Variants in HDAC9 observed in about 807,000 individuals in gnomAD.
HDAC9 encodes MEF-2 interacting transcription repressor (MITR) protein.
In HDAC9, 41 loss-of-function variants were observed where a neutral mutation model predicts 139.4. The observed-to-expected ratio is 0.29, with a 90% CI of 0.23 to 0.38. HDAC9 has a LOEUF of 0.38. Ranked by LOEUF, HDAC9 falls within the 10% of genes least tolerant of loss-of-function variation. The probability of loss-of-function intolerance (pLI) is 1.00; values close to 1 mark genes in which losing one functional copy is unlikely to be tolerated. For synonymous variants in HDAC9, 517 were observed against 476.2 expected, an observed-to-expected ratio of 1.09 and a Z score of -1.12; for missense variants, 1,147 against 1,297.0, an observed-to-expected ratio of 0.88 and a Z score of 1.78.
chr7:18,883,330 G>A lies in HDAC9; in HGVS notation c.2803+8734G>A, dbSNP rs777480525. On this transcript the variant is annotated intron_variant, in intron 22 of 25. Transcript: ENST00000686413. ...ATCAAATTCAAAAACACATTAAAAG[G>A]TTCATTCACCATGATCAAGTGGGAT... Among the ~76,000 whole-genome samples the A allele has an allele frequency of 4.6e-5, 7 of 151,972 alleles. No homozygotes were observed. The South Asian group carries it at 8.3e-4, about 18-fold the overall frequency.
At chr7:18,714,017 T>C (rs1415163510) in intron 12 of HDAC9, among the ~76,000 whole-genome samples, 1 of 152,180 alleles carries the variant, frequency 6.6e-6, no homozygotes, top group Non-Finnish European at 1.5e-5. Flanking sequence ...GCTAATTAGA[T>C]TAGTCTTTTT....
intron 2 of HDAC9, among the ~76,000 whole-genome samples, chr7:18,232,178 C>T (rs1470241379): frequency 6.6e-6 from 1 of 152,100 alleles, no homozygotes; most frequent in Non-Finnish European, 1.5e-5. Context: ...GGGTCGTCTC[C>T]CTCCTTGATT....
chr7:18,951,693 A>T (rs887070134), intron 23 of HDAC9, among the ~76,000 whole-genome samples: 1 of 151,928 alleles, frequency 6.6e-6, no homozygotes, highest in Non-Finnish European at 1.5e-5. Flanking sequence ...AATTAAATAC[A>T]TAGCAAAACT....
intron 1 of HDAC9, among the ~76,000 whole-genome samples, chr7:18,301,445 T>TA (rs1290254704): frequency 6.6e-6 from 1 of 152,170 alleles, no homozygotes; most frequent in Non-Finnish European, 1.5e-5. Flanking sequence ...GATTTTTTTT[T>TA]ATTGCATAAA....
chr7:18,634,823 A>T, intron 8 of HDAC9, 81 bp downstream of exon 8: 1 of 799,528 alleles, frequency 1.3e-6, no homozygotes, highest in Non-Finnish European at 2.1e-6. Flanking sequence ...TTCTGAGTTG[A>T]CCTTCAATAT....
intron 2 of HDAC9, among the ~76,000 whole-genome samples, chr7:18,513,800 C>T (rs560205102): frequency 6.6e-6 from 1 of 152,288 alleles, no homozygotes; most frequent in Admixed American, 6.5e-5. Context: ...CTTTTTAATT[C>T]CCTAAACCAG....
At chr7:18,562,875 A>G (rs573016259) in intron 2 of HDAC9, among the ~76,000 whole-genome samples, 19 of 152,256 alleles carry the variant, frequency 1.2e-4, no homozygotes, top group Middle Eastern at 3.4e-3. Context: ...TATTTAACCT[A>G]TGAAAATGAA....
intron 8 of HDAC9, among the ~76,000 whole-genome samples, chr7:18,636,598 A>G (rs573515715): frequency 3.8e-4 from 58 of 152,230 alleles, no homozygotes; most frequent in African/African-American, 1.4e-3. Context: ...TCAGCTATTT[A>G]AAGAATAGTA....
At chr7:18,257,129 T>C (rs1333730444) in intron 2 of HDAC9, among the ~76,000 whole-genome samples, 1 of 150,864 alleles carries the variant, frequency 6.6e-6, no homozygotes, top group Non-Finnish European at 1.5e-5. Context: ...TGTGTGTGTG[T>C]GTGTGTGTGT....
At chr7:18,820,212 T>C (rs1238740656) in intron 17 of HDAC9, among the ~76,000 whole-genome samples, 1 of 152,208 alleles carries the variant, frequency 6.6e-6, no homozygotes, top group Non-Finnish European at 1.5e-5. Flanking sequence ...GTGAGACTAG[T>C]AGATTTTCAA....
intron 1 of HDAC9, chr7:18,162,161 T>C: frequency 1.6e-6 from 1 of 632,002 alleles, no homozygotes; most frequent in Admixed American, 2.8e-5. Flanking sequence ...GCCAGTTCTC[T>C]GTGTTTCTTT....
chr7:18,989,352 G>C (rs891913381), intron 25 of HDAC9, among the ~76,000 whole-genome samples: 1 of 151,494 alleles, frequency 6.6e-6, no homozygotes, highest in East Asian at 1.9e-4. Context: ...TGAAATTCTG[G>C]GTTGAAAATT....
chr7:18,174,382 G>C (rs933084259), intron 2 of HDAC9, among the ~76,000 whole-genome samples: 4 of 152,054 alleles, frequency 2.6e-5, no homozygotes, highest in Admixed American at 6.5e-5. Flanking sequence ...GCTTCCTTGC[G>C]ATGGGTTCGA....
At chr7:18,091,060 A>G (rs934488381) in intron 1 of HDAC9, among the ~76,000 whole-genome samples, 2 of 152,232 alleles carry the variant, frequency 1.3e-5, no homozygotes, top group African/African-American at 4.8e-5. Flanking sequence ...TTCTGTAGAT[A>G]ATGGTAATAT....
At chr7:18,248,193 A>G (rs1429178772) in intron 2 of HDAC9, among the ~76,000 whole-genome samples, 1 of 152,230 alleles carries the variant, frequency 6.6e-6, no homozygotes, top group Non-Finnish European at 1.5e-5. Context: ...AGATTAAGAA[A>G]GCAATTGCAG....
chr7:18,249,100 AT>A (rs1486279072), intron 2 of HDAC9, among the ~76,000 whole-genome samples: 40 of 152,218 alleles, frequency 2.6e-4, no homozygotes, highest in Admixed American at 1.4e-3. Flanking sequence ...TCATAAAAAA[AT>A]CCTAATTAAT....
intron 1 of HDAC9, among the ~76,000 whole-genome samples, chr7:18,418,160 C>T (rs1380260580): frequency 1.3e-5 from 2 of 152,118 alleles, no homozygotes; most frequent in African/African-American, 2.4e-5. Flanking sequence ...TGGTTTTGTT[C>T]GCTTCAGGGT....
Position 18,194,895 on chromosome 7 carries a change from C to G in HDAC9, c.25+32546C>G, listed in dbSNP as rs558639802. On this transcript the variant is annotated intron_variant, in intron 2 of 12. Coordinates refer to the HDAC9 transcript ENST00000417496. Reference sequence around the variant, plus strand: ...TGAATAGACAATTCCAGGAAATTATCTATTAAGGTTATAGGAGGCAAAGAG... The same window carrying G: ...TGAATAGACAATTCCAGGAAATTATGTATTAAGGTTATAGGAGGCAAAGAG... 2.0e-5 allele frequency among the ~76,000 whole-genome samples: 3 copies of G among 151,794 alleles called. No homozygotes were observed. The East Asian group carries it at 5.8e-4, about 29-fold the overall frequency.
rs369696832 is a variant in HDAC9, at chr7:18,799,649, T to C, written c.2322+6197T>C. Among the ~76,000 whole-genome samples, 13 of 152,214 alleles carry C rather than the reference T, an allele frequency of 8.5e-5. No individual in the cohort carries two copies. The South Asian group carries it at 1.7e-3, about 19-fold the overall frequency. On this transcript the variant is annotated intron_variant, in intron 17 of 25. Coordinates refer to ENST00000686413, the MANE Select transcript of HDAC9 (RefSeq NM_178425.4). Reference sequence around the variant, plus strand: ...AAACACGATAACTTAAATGAAAAATTTACTAGAAGGGCTTAGTAGAAATGT... The same window carrying C: ...AAACACGATAACTTAAATGAAAAATCTACTAGAAGGGCTTAGTAGAAATGT...
Sources: allele counts gnomAD v4.1 joint callset (sites outside exome capture counted in the v4.1 genomes callset), GRCh38; gene constraint gnomAD v4.1.1; transcripts MANE v1.5; gene names NCBI Gene and HGNC (gene_info 2026-07-23, HGNC 2026-07-21).